The following TAP2 variants were observed in gnomAD, a reference collection of about 807,000 sequenced individuals.
TAP2 encodes antigen peptide transporter 2.
TAP2 carries 49 observed loss-of-function variants against 74.7 expected under a neutral mutation model. That is an observed-to-expected ratio of 0.66 (90% CI 0.52 to 0.83). TAP2 has a LOEUF of 0.83. Ranked by LOEUF, TAP2 falls within the 40% of genes least tolerant of loss-of-function variation. TAP2 has a pLI of 0.00. For missense variants in TAP2, 739 were observed against 859.0 expected, an observed-to-expected ratio of 0.86 and a Z score of 1.75; for synonymous variants, 306 against 368.4, an observed-to-expected ratio of 0.83 and a Z score of 1.94.
In TAP2 at chr6:32,828,398, A is replaced by G. The variant is rs545670910; in HGVS notation, c.*508T>C. ...TAGGAAGGCAATCTCATGAATATTTATGTCATTTTTGGTTAATTTCTATCT... is the reference window on the plus strand; with the variant it reads ...TAGGAAGGCAATCTCATGAATATTTGTGTCATTTTTGGTTAATTTCTATCT... On this transcript the variant is annotated 3_prime_UTR_variant, in exon 12 of 12. Coordinates refer to ENST00000374897, the MANE Select transcript of TAP2 (RefSeq NM_001290043.2). The G allele has an allele frequency of 1.0e-6, 1 of 985,528 alleles. No individual in the cohort carries two copies. Among genetic ancestry groups the G allele is most frequent in the African/African-American group, 1.7e-5 (1 of 57,156 alleles). 61.0% of individuals were successfully genotyped at this position (985,528 alleles called of 1,614,324 possible).
chr6:32,828,681 A>ACCCCCCCCCCCC lies in TAP2; in HGVS notation c.*224_*225insGGGGGGGGGGGG. 1.6e-6 allele frequency: 1 copy of ACCCCCCCCCCCC among 606,172 alleles called. No homozygotes were observed. Among genetic ancestry groups the ACCCCCCCCCCCC allele is most frequent in the Non-Finnish European group, 2.0e-6 (1 of 497,974 alleles). 37.5% of individuals were successfully genotyped at this position (606,172 alleles called of 1,614,324 possible). A position where few individuals can be genotyped will look rare whatever the true frequency, so the allele number is the denominator to read the frequency against. ...AGTTTCCTGGACACAGACAGCCCCC[A>ACCCCCCCCCCCC]CCCCACCCCACCCCACCTCTCTACC... On this transcript the variant is annotated 3_prime_UTR_variant, in exon 12 of 12. Transcript: ENST00000374897.
chr6:32,828,677 C>G lies in TAP2; in HGVS notation c.*229G>C. 1.0e-5 allele frequency: 10 copies of G among 971,724 alleles called. No individual in the cohort carries two copies. Among genetic ancestry groups the G allele is most frequent in the African/African-American group, 1.8e-5 (1 of 56,916 alleles). 60.2% of individuals were successfully genotyped at this position (971,724 alleles called of 1,614,324 possible). A position where few individuals can be genotyped will look rare whatever the true frequency, so the allele number is the denominator to read the frequency against. Reference sequence around the variant, plus strand: ...ATTAAGTTTCCTGGACACAGACAGCCCCCACCCCACCCCACCCCACCTCTC... The same window carrying G: ...ATTAAGTTTCCTGGACACAGACAGCGCCCACCCCACCCCACCCCACCTCTC... On this transcript the variant is annotated 3_prime_UTR_variant, in exon 12 of 12. Transcript: ENST00000374897.
Position 32,838,105 on chromosome 6 carries a change from G to A in TAP2, c.129C>T (p.Thr43=), listed in dbSNP as rs1313520579. The A allele has an allele frequency of 1.2e-6, 2 of 1,611,498 alleles. No homozygotes were observed. The highest frequency in any genetic ancestry group is 2.7e-5 in the African/African-American group (2 of 74,576). The change falls in exon 2 of 12, where the codon ACC becomes ACT. Residue 43 remains threonine, a synonymous_variant. Coordinates refer to ENST00000374897, the MANE Select transcript of TAP2 (RefSeq NM_001290043.2). Reference sequence around the variant, plus strand: ...GCCCCCACAGCCCTCCCAGCCGCAGGGTCCCCTCCAGCCATAGTCCTGGCA... The same window carrying A: ...GCCCCCACAGCCCTCCCAGCCGCAGAGTCCCCTCCAGCCATAGTCCTGGCA... The part of the protein sequence containing the change: ...QGLPGLWLEG[T]LRLGGLWGLL...
In TAP2 at chr6:32,827,093, AC is replaced by A; in HGVS notation, c.*1812del. The A allele has an allele frequency of 1.0e-6, 1 of 985,724 alleles. No homozygotes were observed. Among genetic ancestry groups the A allele is most frequent in the Non-Finnish European group, 1.2e-6 (1 of 829,936 alleles). The allele number at this position is 985,724 out of a possible 1,614,324, so 61.1% of individuals were successfully genotyped here. A position where few individuals can be genotyped will look rare whatever the true frequency, so the allele number is the denominator to read the frequency against. ...CCCACTCTCACCCCATCCTCACTGC[AC>A]CCTGCTCCCAACAGCTGCCAGGCAA... On this transcript the variant is annotated 3_prime_UTR_variant, in exon 12 of 12. Transcript: ENST00000374897.
chr6:32,828,681 A>ACCCCCCCCCCCCCCCC lies in TAP2; in HGVS notation c.*224_*225insGGGGGGGGGGGGGGGG. 2 of 606,172 alleles carry ACCCCCCCCCCCCCCCC rather than the reference A, an allele frequency of 3.3e-6. No individual in the cohort carries two copies. The highest frequency in any genetic ancestry group is 4.0e-6 in the Non-Finnish European group (2 of 497,974). The allele number at this position is 606,172 out of a possible 1,614,324, so 37.5% of individuals were successfully genotyped here. ...AGTTTCCTGGACACAGACAGCCCCC[A>ACCCCCCCCCCCCCCCC]CCCCACCCCACCCCACCTCTCTACC... On this transcript the variant is annotated 3_prime_UTR_variant, in exon 12 of 12. Transcript: ENST00000374897.
chr6:32,832,529 A>C lies in TAP2; in HGVS notation c.1144-68T>G. The C allele has an allele frequency of 6.2e-7, 1 of 1,611,416 alleles. No homozygotes were observed. Among genetic ancestry groups the C allele is most frequent in the Non-Finnish European group, 8.5e-7 (1 of 1,179,288 alleles). On this transcript the variant is annotated intron_variant, in intron 6 of 11. Coordinates refer to ENST00000374897, the MANE Select transcript of TAP2 (RefSeq NM_001290043.2). This position sits in a 1 kb window ranked among gnomAD's most constrained non-coding sequence, Gnocchi z 5.9. ...TTCTTTCCCCCTCTCTGCCTCTATG[A>C]GACTGAGCTGCAAAGGCCTCTAGAA... is the stretch of plus-strand genomic sequence containing the variant.
At position 32,827,147 on chromosome 6, in the gene TAP2, G is replaced by T; in HGVS notation, c.*1759C>A. 2 of 985,608 alleles carry T rather than the reference G, an allele frequency of 2.0e-6. No individual in the cohort carries two copies. Among genetic ancestry groups the T allele is most frequent in the Non-Finnish European group, 2.4e-6 (2 of 829,934 alleles). The allele number at this position is 985,608 out of a possible 1,614,324, so 61.1% of individuals were successfully genotyped here. ...AAAAATCCAAAACAGCAGTTCTGGG[G>T]AATTCATTGCCAGCACTGGAAACTA... On this transcript the variant is annotated 3_prime_UTR_variant, in exon 12 of 12. Transcript: ENST00000374897.
chr6:32,830,629 G>C lies in TAP2; in HGVS notation c.1450C>G (p.Pro484Ala). ...CCTCTTTCAGGCACCTTGAGCACAGGCCTGTCAGGGCGATTGGGATATGCA... is the reference window on the plus strand; with the variant it reads ...CCTCTTTCAGGCACCTTGAGCACAGCCCTGTCAGGGCGATTGGGATATGCA... ...SFAYPNRPDR[P>A]VLKGLTFTLR... The change falls in exon 8 of 12, where the codon CCT becomes GCT. Residue 484 changes from proline (P) to alanine (A), a missense_variant. Coordinates refer to ENST00000374897, the MANE Select transcript of TAP2 (RefSeq NM_001290043.2). 2 of 1,613,078 alleles carry C rather than the reference G, an allele frequency of 1.2e-6. No individual in the cohort carries two copies. The highest frequency in any genetic ancestry group is 1.7e-6 in the Non-Finnish European group (2 of 1,180,042).
At chr6:32,829,825 G>A in intron 10 of TAP2, 105 bp downstream of exon 10, 4 of 1,460,910 alleles carry the variant, frequency 2.7e-6, no homozygotes, top group Non-Finnish European at 3.8e-6. Context: ...AAAGGGCAGA[G>A]GAACAGCAAA....
In TAP2 at chr6:32,835,301, T is replaced by G. The variant is rs1269158670; in HGVS notation, c.798A>C (p.Leu266Phe). Reference protein sequence around the residue: ...DTTLMSNWLPLNANVLLRSLV... With the variant: ...DTTLMSNWLPFNANVLLRSLV... ...GGCTTCGCAAGAGCACATTGGCATT[T>G]AAAGGAAGCCAGTTACTCATCAGGG... Residue 266 changes from leucine to phenylalanine, a missense_variant, in exon 5 of 12, where the codon TTA (leucine) becomes TTC (phenylalanine). Transcript: ENST00000374897. This position sits in a 1 kb window ranked among gnomAD's most constrained non-coding sequence, Gnocchi z 4.0. The G allele has an allele frequency of 1.2e-6, 2 of 1,612,974 alleles. No individual in the cohort carries two copies. The highest frequency in any genetic ancestry group is 1.7e-6 in the Non-Finnish European group (2 of 1,180,036).
intron 1 of TAP2, 69 bp from the exon 2 acceptor site, chr6:32,838,306 GC>G: frequency 6.7e-7 from 1 of 1,483,712 alleles, no homozygotes; most frequent in Non-Finnish European, 8.9e-7. Context: ...CCTCCTACCC[GC>G]CCGGCTCCGC....
Position 32,826,254 on chromosome 6 carries a change from G to A in TAP2, c.*2652C>T, listed in dbSNP as rs916574048. On this transcript the variant is annotated 3_prime_UTR_variant, in exon 12 of 12. Coordinates refer to ENST00000374897, the MANE Select transcript of TAP2 (RefSeq NM_001290043.2). ...CATAAAGGACTTGAAACTCAATGCTGTTTCCACATAGGGCCGGGCAGACAG... is the reference window on the plus strand; with the variant it reads ...CATAAAGGACTTGAAACTCAATGCTATTTCCACATAGGGCCGGGCAGACAG... 1.5e-5 allele frequency: 15 copies of A among 985,328 alleles called. No individual in the cohort carries two copies. The African/African-American group carries it at 2.3e-4, about 15-fold the overall frequency. 61.0% of individuals were successfully genotyped at this position (985,328 alleles called of 1,614,324 possible).
In TAP2 at chr6:32,835,295, G is replaced by A; in HGVS notation, c.804C>T (p.Ala268=). The A allele has an allele frequency of 6.2e-7, 1 of 1,613,078 alleles. No homozygotes were observed. Among genetic ancestry groups the A allele is most frequent in the South Asian group, 1.1e-5 (1 of 91,080 alleles). Residue 268 remains alanine (A), a synonymous_variant, in exon 5 of 12, where the codon GCC becomes GCT. Coordinates refer to ENST00000374897, the MANE Select transcript of TAP2 (RefSeq NM_001290043.2). The surrounding 1 kb of genome is among the most constrained non-coding windows in gnomAD (Gnocchi z 4.0). The part of the protein sequence containing the change: ...TLMSNWLPLN[A]NVLLRSLVKV... Reference sequence around the variant, plus strand: ...TCACCAGGCTTCGCAAGAGCACATTGGCATTTAAAGGAAGCCAGTTACTCA... The same window carrying A: ...TCACCAGGCTTCGCAAGAGCACATTAGCATTTAAAGGAAGCCAGTTACTCA...
Position 32,830,608 on chromosome 6 carries a change from T to C in TAP2, c.1461+10A>G. On this transcript the variant is annotated intron_variant, in intron 8 of 11. Coordinates refer to ENST00000374897, the MANE Select transcript of TAP2 (RefSeq NM_001290043.2). ...AGCAAGGGTCCAGGTTTCCTCCCTCTTTCAGGCACCTTGAGCACAGGCCTG... is the reference window on the plus strand; with the variant it reads ...AGCAAGGGTCCAGGTTTCCTCCCTCCTTCAGGCACCTTGAGCACAGGCCTG... 1 of 1,613,046 alleles carries C rather than the reference T, an allele frequency of 6.2e-7. No individual in the cohort carries two copies. Among genetic ancestry groups the C allele is most frequent in the Non-Finnish European group, 8.5e-7 (1 of 1,180,036 alleles).
chr6:32,822,379 G>C, downstream of TAP2: 4 of 1,086,256 alleles, frequency 3.7e-6, no homozygotes, highest in Non-Finnish European at 5.3e-6. Flanking sequence ...ATCTGTGCTA[G>C]AATCTGTTTG....
In TAP2 at chr6:32,832,229, G is replaced by A; in HGVS notation, c.1272+104C>T. The A allele has an allele frequency of 6.5e-7, 1 of 1,533,686 alleles. No homozygotes were observed. Among genetic ancestry groups the A allele is most frequent in the Non-Finnish European group, 8.9e-7 (1 of 1,127,430 alleles). On this transcript the variant is annotated intron_variant, in intron 7 of 11. Coordinates refer to ENST00000374897, the MANE Select transcript of TAP2 (RefSeq NM_001290043.2). The surrounding 1 kb of genome is among the most constrained non-coding windows in gnomAD (Gnocchi z 5.9). The stretch of plus-strand genomic sequence containing the variant: ...ATAGCAAAATTACTTGCGGGTTTTG[G>A]TTTTGTATTGTATTGTTAAAAAGAA...
At chr6:32,836,079 A>G (rs1167202406) in intron 3 of TAP2, among the ~76,000 whole-genome samples, 1 of 152,220 alleles carries the variant, frequency 6.6e-6, no homozygotes, top group Non-Finnish European at 1.5e-5. Context: ...AATAGAAGGG[A>G]AAAGATATTG....
chr6:32,829,661 G>A, intron 10 of TAP2, 125 bp from the exon 11 acceptor site: 2 of 1,463,192 alleles, frequency 1.4e-6, no homozygotes, highest in Non-Finnish European at 1.9e-6. Flanking sequence ...AGTGCGGGGA[G>A]GGCCCAGTGG....
downstream of TAP2, chr6:32,822,300 T>C: frequency 1.9e-6 from 3 of 1,554,770 alleles, no homozygotes; most frequent in Non-Finnish European, 2.6e-6. Context: ...CAAAATATCA[T>C]GAACTTCCAA....
Sources: gnomAD v4.1 joint callset for allele counts (sites outside exome capture counted in the v4.1 genomes callset) on GRCh38, gnomAD v4.1.1 for gene constraint, Gnocchi (gnomAD v3.1) non-coding constraint, MANE v1.5 for transcripts, NCBI Gene and HGNC (gene_info 2026-07-23, HGNC 2026-07-21) for gene names.